MGMT: variants seen among roughly 807,000 people sequenced by gnomAD.
MGMT encodes the protein O-6-methylguanine-DNA methyltransferase, also known as methylated-DNA--protein-cysteine methyltransferase.
A neutral mutation model predicts 15.9 loss-of-function variants in MGMT; 14 were observed. The observed-to-expected ratio is 0.88, with a 90% CI of 0.58 to 1.37. MGMT has a LOEUF of 1.37. MGMT is among the 40% of genes most tolerant of loss of function. MGMT has a pLI of 0.00. For synonymous variants in MGMT, 130 were observed against 118.2 expected, an observed-to-expected ratio of 1.10 and a Z score of -0.65; for missense variants, 282 against 268.1, an observed-to-expected ratio of 1.05 and a Z score of -0.36.
intron 2 of MGMT, among the ~76,000 whole-genome samples, chr10:129,685,340 G>A (rs1351833968): frequency 6.6e-6 from 1 of 152,186 alleles, no homozygotes; most frequent in Non-Finnish European, 1.5e-5. Flanking sequence ...CCTGGCCTGG[G>A]CAGCTGTCCT....
chr10:129,487,157 G>A (rs935827242), intron 1 of MGMT, among the ~76,000 whole-genome samples: 8 of 152,082 alleles, frequency 5.3e-5, no homozygotes, highest in African/African-American at 1.9e-4. Context: ...GAATAATTAG[G>A]TGCCCTGCAT....
chr10:129,618,141 T>C (rs1564738751), intron 2 of MGMT, among the ~76,000 whole-genome samples: 1 of 152,152 alleles, frequency 6.6e-6, no homozygotes, highest in Non-Finnish European at 1.5e-5. Context: ...AAACTAGATT[T>C]ACTTTTTAAA....
rs181232355 is a variant in MGMT at position 129,739,548 on chromosome 10, C to T, written c.275-19654C>T. Among the ~76,000 whole-genome samples the T allele has an allele frequency of 1.4e-3, 212 of 152,306 alleles. 2 individuals are homozygous for T. Among genetic ancestry groups the T allele is most frequent in the African/African-American group, 4.6e-3 (191 of 41,562 alleles). On this transcript the variant is annotated intron_variant, in intron 3 of 4. Coordinates refer to ENST00000651593, the MANE Select transcript of MGMT (RefSeq NM_002412.5). The stretch of plus-strand genomic sequence containing the variant: ...TGCATCTCTGTTGACCTGCCTCTAA[C>T]ACTGGGACGAGCATCAGCCAAATCA...
intron 2 of MGMT, among the ~76,000 whole-genome samples, chr10:129,704,305 G>A (rs751569910): frequency 1.3e-5 from 2 of 152,158 alleles, no homozygotes; most frequent in Admixed American, 6.6e-5. Context: ...CCACTTCGTT[G>A]CCTGCTCGGC....
At chr10:129,704,212 C>A (rs763586408) in intron 2 of MGMT, among the ~76,000 whole-genome samples, 4 of 152,020 alleles carry the variant, frequency 2.6e-5, no homozygotes, top group Admixed American at 6.5e-5. Flanking sequence ...TTCTCCTTTC[C>A]GTGGCCAGAC....
At chr10:129,744,499 C>T (rs1407547152) in intron 3 of MGMT, among the ~76,000 whole-genome samples, 1 of 152,198 alleles carries the variant, frequency 6.6e-6, no homozygotes, top group African/African-American at 2.4e-5. Flanking sequence ...TGAAGCTGGG[C>T]GCACCTCCTC....
intron 3 of MGMT, among the ~76,000 whole-genome samples, chr10:129,731,278 T>A (rs1274281760): frequency 6.6e-6 from 1 of 151,844 alleles, no homozygotes; most frequent in African/African-American, 2.4e-5. Flanking sequence ...CTCTTTAAGA[T>A]GATTGACGAC....
At chr10:129,585,052 T>G (rs897441705) in intron 2 of MGMT, among the ~76,000 whole-genome samples, 1 of 152,198 alleles carries the variant, frequency 6.6e-6, no homozygotes, top group Non-Finnish European at 1.5e-5. Flanking sequence ...GAAAAACTTA[T>G]GGTTTTCTAA....
intron 4 of MGMT, among the ~76,000 whole-genome samples, chr10:129,764,172 G>A (rs946337741): frequency 6.6e-6 from 1 of 152,242 alleles, no homozygotes; most frequent in African/African-American, 2.4e-5. Context: ...CCACTTAACA[G>A]CTTTATGAAC....
At chr10:129,747,892 T>G (rs1440378520) in intron 3 of MGMT, among the ~76,000 whole-genome samples, 1 of 152,210 alleles carries the variant, frequency 6.6e-6, no homozygotes, top group Non-Finnish European at 1.5e-5. Flanking sequence ...TATGCTTTTC[T>G]CATGATTTGA....
chr10:129,731,828 T>C (rs1564777480), intron 3 of MGMT, among the ~76,000 whole-genome samples: 1 of 152,222 alleles, frequency 6.6e-6, no homozygotes, highest in Non-Finnish European at 1.5e-5. Flanking sequence ...GTTGTCCATT[T>C]TTGCAGAATG....
chr10:129,560,818 TTTTC>T (rs145167171), intron 2 of MGMT, among the ~76,000 whole-genome samples: 4,950 of 152,358 alleles, frequency 0.032, 130 homozygotes, highest in South Asian at 0.065. Context: ...TGTTTCTGGA[TTTTC>T]TTTGTCTCTG....
intron 2 of MGMT, among the ~76,000 whole-genome samples, chr10:129,568,480 A>G (rs1564855159): frequency 6.6e-6 from 1 of 152,244 alleles, no homozygotes; most frequent in Non-Finnish European, 1.5e-5. Context: ...CTTCTGCTGT[A>G]TTCCAAGTTA....
At chr10:129,706,620 C>T (rs533849170) in intron 2 of MGMT, among the ~76,000 whole-genome samples, 1 of 152,138 alleles carries the variant, frequency 6.6e-6, no homozygotes, top group East Asian at 1.9e-4. Context: ...TCTGGGGCCT[C>T]GAGAGGCAGG....
intron 2 of MGMT, among the ~76,000 whole-genome samples, chr10:129,600,991 G>A (rs763317113): frequency 1.6e-4 from 24 of 151,672 alleles, no homozygotes; most frequent in Non-Finnish European, 2.9e-4. Context: ...AGTTGAGTAT[G>A]TAGCCTTTGG....
In MGMT at chr10:129,585,926, G is replaced by A. The variant is rs183001227; in HGVS notation, c.125+49549G>A. Among the ~76,000 whole-genome samples, 554 of 152,256 alleles carry A rather than the reference G, an allele frequency of 3.6e-3. 2 individuals are homozygous for A. Among genetic ancestry groups the A allele is most frequent in the Admixed American group, 9.0e-3 (138 of 15,304 alleles). On this transcript the variant is annotated intron_variant, in intron 2 of 4. Transcript: ENST00000651593. ...CTTCAGGGCCATTATTAAGTGAAAT[G>A]TGGGTGACTTGAACACAAGCACTGC...
intron 3 of MGMT, chr10:129,715,636 A>C (rs989284783): frequency 6.6e-6 from 1 of 152,258 alleles, no homozygotes; most frequent in African/African-American, 2.4e-5. Flanking sequence ...TAATTCCAGC[A>C]ATAATAAGTA....
Position 129,584,972 on chromosome 10 carries a change from T to TAC in MGMT, c.125+48608_125+48609dup, listed in dbSNP as rs148547733. 1.8e-3 allele frequency among the ~76,000 whole-genome samples: 277 copies of TAC among 151,952 alleles called. 1 individual carries two copies. Among genetic ancestry groups the TAC allele is most frequent in the South Asian group, 9.8e-3 (47 of 4,804 alleles). On this transcript the variant is annotated intron_variant, in intron 2 of 4. Coordinates refer to ENST00000651593, the MANE Select transcript of MGMT (RefSeq NM_002412.5). ...GTGTTCATTTCTCTTGGGGTATATA[T>TAC]ACACACACACACACGTAGGCCTAGG...
chr10:129,484,087 A>G lies in MGMT; in HGVS notation c.-13+16791A>G, dbSNP rs1166550204. Among the ~76,000 whole-genome samples, 8 of 152,286 alleles carry G rather than the reference A, an allele frequency of 5.3e-5. No individual in the cohort carries two copies. In the South Asian group the frequency reaches 8.3e-4, roughly 16 times the overall value. On this transcript the variant is annotated intron_variant, in intron 1 of 4. Transcript: ENST00000651593. ...ACAAGGTCAGGTGTGGAATTTTCCA[A>G]TTGTGGCATTGTGTTGGTGCAGTTT...
Sources: gnomAD v4.1 joint callset for allele counts (sites outside exome capture counted in the v4.1 genomes callset) on GRCh38, gnomAD v4.1.1 for gene constraint, MANE v1.5 for transcripts, NCBI Gene and HGNC (gene_info 2026-07-23, HGNC 2026-07-21) for gene names.